Variants in GPR108 observed in about 807,000 individuals in gnomAD.
GPR108 encodes the protein protein GPR108.
A neutral mutation model predicts 74.3 loss-of-function variants in GPR108; 60 were observed. That is an observed-to-expected ratio of 0.81 (90% CI 0.66 to 1.00). The LOEUF (loss-of-function observed/expected upper bound fraction) is 1.00, where lower values mean the gene tolerates loss of function less well. GPR108 is among the 50% of genes least tolerant of loss of function. The pLI is 0.00. For missense variants in GPR108, 667 were observed against 703.3 expected (o/e 0.95, Z 0.58); for synonymous variants, 311 against 292.4 (o/e 1.06, Z -0.65).
At chr19:6,730,447 C>G in intron 17 of GPR108, 63 bp from the exon 18 acceptor site, 1 of 1,407,260 alleles carries the variant, frequency 7.1e-7, no homozygotes, top group Non-Finnish European at 1.0e-6. Context: ...CCACTCTACC[C>G]GGAACCACTC....
chr19:6,733,658 C>A lies in GPR108; in HGVS notation c.635G>T (p.Gly212Val). The A allele has an allele frequency of 6.2e-7, 1 of 1,614,102 alleles. No homozygotes were observed. The highest frequency in any genetic ancestry group is 8.5e-7 in the Non-Finnish European group (1 of 1,179,986). Reference protein sequence around the residue: ...SYNFSFHVVIGSQAEEGQYSL... With the variant: ...SYNFSFHVVIVSQAEEGQYSL... ...GTACTGGCCTTCTTCCGCCTGAGAG[C>A]CGATCACCACGTGGAACTGGGCGGG... is the stretch of plus-strand genomic sequence containing the variant. The change falls in exon 8 of 18, where the codon GGC becomes GTC. Residue 212 changes from glycine (G) to valine (V), a missense_variant. Gly to Val is a moderately radical substitution (Grantham distance 109). Coordinates refer to ENST00000264080, the MANE Select transcript of GPR108 (RefSeq NM_001080452.2).
In GPR108 at chr19:6,735,667, C is replaced by T. The variant is rs373726509; in HGVS notation, c.329G>A (p.Ser110Asn). ...DFQDCPLQKN[S>N]SSFLVLFLIN... The stretch of plus-strand genomic sequence containing the variant: ...GAGGAACAGGACCAGGAAACTGCTA[C>T]TGTTTTTCTGGAGAGGGCAGTCCTG... Residue 110 changes from serine to asparagine, a missense_variant, in exon 4 of 18, where the codon AGT (serine) becomes AAT (asparagine). Coordinates refer to ENST00000264080, the MANE Select transcript of GPR108 (RefSeq NM_001080452.2). 1.9e-6 allele frequency: 3 copies of T among 1,614,040 alleles called. No homozygotes were observed. Among genetic ancestry groups the T allele is most frequent in the African/African-American group, 1.3e-5 (1 of 74,908 alleles).
intron 5 of GPR108, 53 bp from the exon 6 acceptor site, chr19:6,734,107 A>G: frequency 2.5e-6 from 4 of 1,614,130 alleles, no homozygotes; most frequent in Admixed American, 1.7e-5. Context: ...ATAGAGGGGC[A>G]GTGGGAAAAC....
intron 17 of GPR108, 72 bp downstream of exon 17, chr19:6,730,915 C>A: frequency 7.6e-7 from 1 of 1,312,446 alleles, no homozygotes; most frequent in East Asian, 2.6e-5. Flanking sequence ...CCCTGCCCAC[C>A]CTGCCCGTAG....
At position 6,735,935 on chromosome 19, in the gene GPR108, A is replaced by AAC; in HGVS notation, c.262_263dup (p.Arg89PhefsTer94). On this transcript the variant is annotated frameshift_variant, in exon 3 of 18. Transcript: ENST00000264080. LOFTEE classifies it high-confidence loss of function. ...AATAGGAGCGAACTCTGCCAGACCGAACCCGGCTGAGACTGAACCCCACCT... is the reference window on the plus strand; with the variant it reads ...AATAGGAGCGAACTCTGCCAGACCGAACACCCGGCTGAGACTGAACCCCACCT... 3 of 1,611,400 alleles carry AAC rather than the reference A, an allele frequency of 1.9e-6. No individual in the cohort carries two copies. Among genetic ancestry groups the AAC allele is most frequent in the Non-Finnish European group, 2.5e-6 (3 of 1,178,624 alleles).
chr19:6,735,910 A>C lies in GPR108; in HGVS notation c.289T>G (p.Ser97Ala). The C allele has an allele frequency of 6.2e-7, 1 of 1,611,596 alleles. No individual in the cohort carries two copies. The highest frequency in any genetic ancestry group is 8.5e-7 in the Non-Finnish European group (1 of 1,178,764). Residue 97 changes from serine to alanine, a missense_variant and splice_region_variant, in exon 3 of 18, where the codon TCA becomes GCA. Coordinates refer to ENST00000264080, the MANE Select transcript of GPR108 (RefSeq NM_001080452.2). ...RVRSGRVRSYSTRDFQDCPLQ... is the reference protein window; with the variant it reads ...RVRSGRVRSYATRDFQDCPLQ... The stretch of plus-strand genomic sequence containing the variant: ...TCTTCCCCATGCCCTCCACTCACTG[A>C]ATAGGAGCGAACTCTGCCAGACCGA...
rs144082141 is a variant in GPR108 at position 6,732,789 on chromosome 19, G to A, written c.933+198C>T. ...GACGGACAGTCACAGCTGAACCAAG[G>A]GACAGTGGTGGACAGAGCTGCCCCG... On this transcript the variant is annotated intron_variant, in intron 10 of 17. Coordinates refer to ENST00000264080, the MANE Select transcript of GPR108 (RefSeq NM_001080452.2). 1,988 of 648,780 alleles carry A rather than the reference G, an allele frequency of 3.1e-3. 10 individuals carry two copies. The highest frequency in any genetic ancestry group is 0.019 in the Middle Eastern group (46 of 2,432). 40.2% of individuals were successfully genotyped at this position (648,780 alleles called of 1,614,324 possible). A position where few individuals can be genotyped will look rare whatever the true frequency, so the allele number is the denominator to read the frequency against.
chr19:6,731,387 G>C, intron 15 of GPR108, 86 bp downstream of exon 15: 1 of 1,484,498 alleles, frequency 6.7e-7, no homozygotes, highest in Non-Finnish European at 9.0e-7. Flanking sequence ...GGGGCCTCGG[G>C]ATGGGGCAGC....
At position 6,731,037 on chromosome 19, in the gene GPR108, C is replaced by G. The variant is rs755841242; in HGVS notation, c.1509G>C (p.Pro503=). The change falls in exon 17 of 18, where the codon CCG becomes CCC. Residue 503 remains proline (P), a synonymous_variant. Transcript: ENST00000264080. ...GYKFQPTGNN[P]YLQLPQEDEE... The stretch of plus-strand genomic sequence containing the variant: ...CGTCCTCCTGGGGCAGCTGCAGGTA[C>G]GGGTTGTTTCCTGTGGGCTGGAACT... 21 of 1,613,506 alleles carry G rather than the reference C, an allele frequency of 1.3e-5. No individual in the cohort carries two copies. In the Admixed American group the frequency reaches 2.7e-4, roughly 20 times the overall value.
chr19:6,732,486 TGTA>T lies in GPR108; in HGVS notation c.994_996del (p.Tyr332del). 6.2e-7 allele frequency: 1 copy of T among 1,613,528 alleles called. No individual in the cohort carries two copies. ...GTGGGGGACACTCACAGGTGTGCGATGTAGTACATGACGGCAAGGCCTTCGATG... is the reference window on the plus strand; with the variant it reads ...GTGGGGGACACTCACAGGTGTGCGATGTACATGACGGCAAGGCCTTCGATG... On this transcript the variant is annotated inframe_deletion, in exon 11 of 18. Coordinates refer to ENST00000264080, the MANE Select transcript of GPR108 (RefSeq NM_001080452.2).
At chr19:6,732,573 C>T (rs964839090) in intron 10 of GPR108, 24 bp from the exon 11 acceptor site, 2 of 1,589,020 alleles carry the variant, frequency 1.3e-6, no homozygotes, top group Non-Finnish European at 8.6e-7. Flanking sequence ...GACAGACGGA[C>T]AGTGAGGCGC....
Position 6,731,824 on chromosome 19 carries a change from G to A in GPR108, c.1300+67C>T. On this transcript the variant is annotated intron_variant, in intron 14 of 17. Transcript: ENST00000264080. Reference sequence around the variant, plus strand: ...GAGAGGCCAGGAGGGGCATCCAAGGGGCAGAAAGAAGGGCCCGGAGGAGGA... The same window carrying A: ...GAGAGGCCAGGAGGGGCATCCAAGGAGCAGAAAGAAGGGCCCGGAGGAGGA... The A allele has an allele frequency of 1.9e-6, 3 of 1,574,806 alleles. No homozygotes were observed. In the South Asian group the frequency reaches 3.4e-5, roughly 18 times the overall value.
chr19:6,736,783 A>G (rs1414609422), intron 1 of GPR108, 72 bp from the exon 2 acceptor site: 14 of 1,605,196 alleles, frequency 8.7e-6, no homozygotes, highest in Non-Finnish European at 1.0e-5. Flanking sequence ...GTCTGGCACG[A>G]GGACCTCCAG....
intron 1 of GPR108, chr19:6,737,249 C>A: frequency 1.7e-6 from 1 of 601,312 alleles, no homozygotes. Flanking sequence ...GGGAGGGGGC[C>A]GACCCCAGCG....
At chr19:6,734,503 T>C (rs1169430204) in intron 4 of GPR108, among the ~76,000 whole-genome samples, 196 bp from the exon 5 acceptor site, 1 of 152,206 alleles carries the variant, frequency 6.6e-6, no homozygotes, top group African/African-American at 2.4e-5. Context: ...GCTGCCTGCA[T>C]CCGCAGTTAT....
At chr19:6,737,182 G>C in intron 1 of GPR108, 3 of 490,428 alleles carry the variant, frequency 6.1e-6, no homozygotes, top group Non-Finnish European at 1.1e-5. Context: ...AAAGGACTAA[G>C]ACCCAGTTGG....
intron 14 of GPR108, 80 bp downstream of exon 14, chr19:6,731,811 G>A: frequency 2.0e-6 from 3 of 1,520,526 alleles, no homozygotes; most frequent in Non-Finnish European, 1.8e-6. Flanking sequence ...GAGGCCAGGA[G>A]GGGCATCCAA....
intron 7 of GPR108, 81 bp downstream of exon 7, chr19:6,733,764 T>C (rs2145483020): frequency 1.3e-6 from 2 of 1,577,330 alleles, no homozygotes; most frequent in Non-Finnish European, 1.7e-6. Flanking sequence ...TCTGGGGCGA[T>C]GGTAGGGCTG....
At position 6,733,824 on chromosome 19, in the gene GPR108, G is replaced by C. The variant is rs375796796; in HGVS notation, c.618+21C>G. On this transcript the variant is annotated intron_variant, in intron 7 of 17. Coordinates refer to ENST00000264080, the MANE Select transcript of GPR108 (RefSeq NM_001080452.2). ...CGTGCTCTGGGGTGACGGAAGGGCC[G>C]CAGGCGCTGCAAACACTCACACTGA... 1.9e-6 allele frequency: 3 copies of C among 1,613,284 alleles called. No homozygotes were observed. In the Admixed American group the frequency reaches 5.0e-5, roughly 27 times the overall value.
Sources: gnomAD v4.1 joint callset for allele counts (sites outside exome capture counted in the v4.1 genomes callset) on GRCh38, gnomAD v4.1.1 for gene constraint, MANE v1.5 for transcripts, NCBI Gene and HGNC (gene_info 2026-07-23, HGNC 2026-07-21) for gene names.